Variants in GOLGA8S observed in about 807,000 individuals in gnomAD.
GOLGA8S encodes the protein golgin subfamily A member 8S.
In GOLGA8S, 23 loss-of-function variants were observed where a neutral mutation model predicts 58.9. The observed-to-expected ratio is 0.39, with a 90% CI of 0.28 to 0.55. GOLGA8S has a LOEUF of 0.55. Ranked by LOEUF, GOLGA8S falls within the 20% of genes least tolerant of loss-of-function variation. The pLI is 0.63. For missense variants in GOLGA8S, 266 were observed against 514.2 expected, an observed-to-expected ratio of 0.52 and a Z score of 4.67; for synonymous variants, 84 against 195.7, an observed-to-expected ratio of 0.43 and a Z score of 4.76.
rs777107112 is a variant in GOLGA8S at position 23,364,410 on chromosome 15, G to A, written c.1415G>A (p.Arg472His). The change falls in exon 16 of 19, where the codon CGC (arginine) becomes CAC (histidine). Residue 472 changes from arginine (R) to histidine (H), a missense_variant. Arg to His is a conservative substitution (Grantham distance 29, BLOSUM62 0). This residue lies in a region of GOLGA8S where 88 missense variants were observed against 77.7 expected (regional missense o/e 1.13). Transcript: ENST00000562295. ...GAGCTGGTGAAGAAACAAGAACTTC[G>A]CTTCATTCAATACTGGCAAGAGAGA... is the stretch of plus-strand genomic sequence containing the variant. 3.7e-6 allele frequency: 6 copies of A among 1,604,444 alleles called. No individual in the cohort carries two copies. The East Asian group carries it at 6.7e-5, about 18-fold the overall frequency.
downstream of GOLGA8S, among the ~76,000 whole-genome samples, chr15:23,368,346 A>T (rs1483042169): frequency 6.6e-5 from 10 of 151,830 alleles, no homozygotes; most frequent in Admixed American, 6.6e-4. Context: ...TTAAAATTTT[A>T]TTTTGTGTTT....
At chr15:23,361,542 C>G (rs2069803973) in intron 12 of GOLGA8S, 86 bp downstream of exon 12, 3 of 679,074 alleles carry the variant, frequency 4.4e-6, no homozygotes, top group Admixed American at 4.3e-5. Context: ...GCAGTGTAGC[C>G]CTCAAGTGAA....
intron 1 of GOLGA8S, among the ~76,000 whole-genome samples, chr15:23,356,357 G>T (rs2069688747): frequency 7.3e-6 from 1 of 136,600 alleles, no homozygotes. Context: ...CCAGAGTTTG[G>T]AGTCAGAAGA....
At chr15:23,361,169 C>T (rs199599058) in intron 11 of GOLGA8S, 52 bp from the exon 12 acceptor site, 108 of 720,452 alleles carry the variant, frequency 1.5e-4, no homozygotes, top group Non-Finnish European at 1.9e-4. Context: ...CTTTTCTTTT[C>T]TTTTTTTTTT....
chr15:23,364,745 G>A, exon 18 of GOLGA8S: 1 of 1,514,306 alleles, frequency 6.6e-7, no homozygotes, highest in African/African-American at 1.4e-5. Context: ...TGCAGCAGAT[G>A]GTATTGCGGC....
chr15:23,368,483 T>C (rs2069955579), downstream of GOLGA8S, among the ~76,000 whole-genome samples: 1 of 151,792 alleles, frequency 6.6e-6, no homozygotes, highest in African/African-American at 2.4e-5. Flanking sequence ...AAACACAAAA[T>C]AAAAAAGTTA....
At chr15:23,356,309 G>T (rs2069687989) in intron 1 of GOLGA8S, among the ~76,000 whole-genome samples, 1 of 143,420 alleles carries the variant, frequency 7.0e-6, no homozygotes, top group South Asian at 2.3e-4. Context: ...TCTGCCTCTG[G>T]TTTTGGTCCC....
chr15:23,359,978 A>G (rs886772197), intron 8 of GOLGA8S, among the ~76,000 whole-genome samples: 1 of 149,698 alleles, frequency 6.7e-6, no homozygotes, highest in African/African-American at 2.5e-5. Context: ...AAGTTCAAAC[A>G]GTGGTAATAA....
chr15:23,357,810 C>T (rs920083215), intron 4 of GOLGA8S, among the ~76,000 whole-genome samples, 191 bp downstream of exon 4: 1 of 149,564 alleles, frequency 6.7e-6, no homozygotes, highest in African/African-American at 2.5e-5. Flanking sequence ...TGTTTGCTGA[C>T]TCTCCCCTCT....
At chr15:23,360,692 T>G in intron 10 of GOLGA8S, 36 bp from the exon 11 acceptor site, 1 of 1,125,726 alleles carries the variant, frequency 8.9e-7, no homozygotes, top group Non-Finnish European at 1.4e-6. Context: ...CTCCAGCCCC[T>G]CTCTCCAGGG....
In GOLGA8S at chr15:23,364,399, A is replaced by G. The variant is rs781256719; in HGVS notation, c.1404A>G (p.Lys468=). ...CAGACCTGAGTGAGCTGGTGAAGAA[A>G]CAAGAACTTCGCTTCATTCAATACT... The change falls in exon 16 of 19, where the codon AAA becomes AAG. Residue 468 remains lysine, a synonymous_variant. Transcript: ENST00000562295. 6.9e-6 allele frequency: 11 copies of G among 1,604,384 alleles called. 1 individual carries two copies. The highest frequency in any genetic ancestry group is 8.5e-6 in the Non-Finnish European group (10 of 1,179,604).
chr15:23,360,004 C>T (rs1445999775), intron 8 of GOLGA8S, among the ~76,000 whole-genome samples: 203 of 148,586 alleles, frequency 1.4e-3, no homozygotes, highest in Non-Finnish European at 1.9e-3. Flanking sequence ...GTAATAACAA[C>T]AGCAATATTA....
At chr15:23,361,174 T>A (rs772176507) in intron 11 of GOLGA8S, 47 bp from the exon 12 acceptor site, 1 of 857,502 alleles carries the variant, frequency 1.2e-6, no homozygotes, top group Non-Finnish European at 1.7e-6. Context: ...CTTTTCTTTT[T>A]TTTTTTTTGG....
At chr15:23,366,629 T>C (rs1380729894), downstream of GOLGA8S, 3 of 152,092 alleles carry the variant, frequency 2.0e-5, 1 homozygote, top group Non-Finnish European at 4.4e-5. Flanking sequence ...GAAATATGTT[T>C]TTGTATCTCT....
rs769126894 is a variant in GOLGA8S, at chr15:23,364,461, G to T, written c.1448+18G>T. ...TGCCATCAGTGAGTGGGAGGCCAGG[G>T]CACAGCAGGGGGAGCTACAGGGCCG... On this transcript the variant is annotated intron_variant, in intron 16 of 18. Coordinates refer to ENST00000562295, the Ensembl canonical transcript of GOLGA8S. The T allele has an allele frequency of 6.2e-7, 1 of 1,604,594 alleles. No individual in the cohort carries two copies. The highest frequency in any genetic ancestry group is 1.1e-5 in the South Asian group (1 of 90,568).
chr15:23,361,060 C>A lies in GOLGA8S; in HGVS notation c.875-161C>A, dbSNP rs1223756560. 6.7e-5 allele frequency among the ~76,000 whole-genome samples: 10 copies of A among 149,830 alleles called. 1 individual carries two copies. Among genetic ancestry groups the A allele is most frequent in the Non-Finnish European group, 1.5e-4 (10 of 67,296 alleles). The stretch of plus-strand genomic sequence containing the variant: ...AGTGCTTTGGAAGACTGGCTACCAT[C>A]TGGGTGCGAGGAATCATTAGCAGTG... On this transcript the variant is annotated intron_variant, in intron 11 of 18. Transcript: ENST00000562295.
exon 12 of GOLGA8S, chr15:23,361,438 G>C (rs1322569009): frequency 1.3e-6 from 1 of 787,522 alleles, no homozygotes; most frequent in East Asian, 2.4e-5. Context: ...CCGAGCCACA[G>C]AACAGCTTCA....
At chr15:23,366,892 A>C (rs2069930875), downstream of GOLGA8S, 1 of 140,772 alleles carries the variant, frequency 7.1e-6, no homozygotes, top group Admixed American at 7.3e-5. Context: ...CATTTTTAGC[A>C]TTTGGCATCC....
At chr15:23,362,713 T>G (rs999226170) in intron 13 of GOLGA8S, among the ~76,000 whole-genome samples, 1 of 142,280 alleles carries the variant, frequency 7.0e-6, no homozygotes, top group Non-Finnish European at 1.5e-5. Context: ...CACTTAGGCC[T>G]GAAGTAAGGG....
Sources: gnomAD v4.1 joint callset for allele counts (sites outside exome capture counted in the v4.1 genomes callset) on GRCh38, gnomAD v4.1.1 for gene constraint, gnomAD v4.1.1 regional missense constraint, MANE v1.5 for transcripts, NCBI Gene and HGNC (gene_info 2026-07-23, HGNC 2026-07-21) for gene names.